Variants in AKAP13 observed in about 807,000 individuals in gnomAD.
AKAP13 encodes the protein A-kinase anchoring protein 13.
AKAP13 carries 80 observed loss-of-function variants against 264.5 expected under a neutral mutation model. That is an observed-to-expected ratio of 0.30 (90% CI 0.25 to 0.36). AKAP13 has a LOEUF of 0.36. Among genes scored for constraint, AKAP13 ranks in the 10% least tolerant of loss-of-function variants. AKAP13 has a pLI of 1.00. For synonymous variants in AKAP13, 1,380 were observed against 1,250.2 expected (o/e 1.10, Z -2.19); for missense variants, 3,712 against 3,435.2 (o/e 1.08, Z -2.01).
At position 85,579,820 on chromosome 15, in the gene AKAP13, G is replaced by C. The variant is rs1357867985; in HGVS notation, c.1752G>C (p.Gln584His). 1.9e-6 allele frequency: 3 copies of C among 1,614,074 alleles called. No homozygotes were observed. Among genetic ancestry groups the C allele is most frequent in the Admixed American group, 1.7e-5 (1 of 60,010 alleles). Reference protein sequence around the residue: ...REESADAPVDQNSVVIPAAAK... With the variant: ...REESADAPVDHNSVVIPAAAK... ...AGAGTGCTGATGCTCCAGTAGATCA[G>C]AATTCTGTGGTGATTCCAGCTGCTG... The change falls in exon 7 of 37, where the codon CAG becomes CAC. Residue 584 changes from glutamine to histidine, a missense_variant. Coordinates refer to ENST00000394518, the MANE Select transcript of AKAP13 (RefSeq NM_007200.5).
rs534755366 is a variant in AKAP13, at chr15:85,441,366, A to T, written c.-11-44344A>T. 3.6e-4 allele frequency among the ~76,000 whole-genome samples: 55 copies of T among 152,238 alleles called. 1 individual carries two copies. Among genetic ancestry groups the T allele is most frequent in the African/African-American group, 9.9e-4 (41 of 41,554 alleles). On this transcript the variant is annotated intron_variant, in intron 1 of 36. Transcript: ENST00000394518. ...ATTTACTGTTTTTGTATTGAGTTAT[A>T]AGAGTTCTTTATATATCCTGGATAT...
At chr15:85,642,677 C>G (rs938438627) in intron 9 of AKAP13, among the ~76,000 whole-genome samples, 7 of 152,208 alleles carry the variant, frequency 4.6e-5, no homozygotes, top group African/African-American at 1.4e-4. Flanking sequence ...ACTCTCGTCC[C>G]AAACTTGGTT....
intron 1 of AKAP13, among the ~76,000 whole-genome samples, chr15:85,388,411 C>A (rs2150794971): frequency 6.6e-6 from 1 of 152,256 alleles, no homozygotes; most frequent in South Asian, 2.1e-4. Flanking sequence ...AGGAGTTTTA[C>A]AAGTGGACAT....
chr15:85,426,835 A>G (rs1031943167), intron 1 of AKAP13, among the ~76,000 whole-genome samples: 4 of 152,078 alleles, frequency 2.6e-5, no homozygotes, highest in African/African-American at 9.7e-5. Context: ...ATCTCTAAAG[A>G]ATTATTTCCA....
intron 26 of AKAP13, 153 bp from the exon 27 acceptor site, chr15:85,726,257 T>G (rs2087610312): frequency 1.8e-6 from 1 of 546,908 alleles, no homozygotes; most frequent in Non-Finnish European, 3.3e-6. Context: ...ACTGTAAAAC[T>G]GTTGCTTTGG....
Position 85,735,092 on chromosome 15 carries a change from G to C in AKAP13, c.7383G>C (p.Leu2461=). Residue 2461 remains leucine (L), a synonymous_variant, in exon 31 of 37, where the codon CTG becomes CTC. Coordinates refer to ENST00000394518, the MANE Select transcript of AKAP13 (RefSeq NM_007200.5). The part of the protein sequence containing the change: ...IEQDVVGPVS[L]PRRAETFGGF... ...AAGATGTGGTCGGTCCCGTTTCCCT[G>C]CCCCGGAGAGCAGAGACCTTTGGAG... 1 of 1,614,188 alleles carries C rather than the reference G, an allele frequency of 6.2e-7. No homozygotes were observed.
intron 14 of AKAP13, among the ~76,000 whole-genome samples, chr15:85,677,346 C>T (rs1164000310): frequency 6.6e-6 from 1 of 152,216 alleles, no homozygotes; most frequent in African/African-American, 2.4e-5. Flanking sequence ...ATCTTTCTAG[C>T]ACACAGATAC....
At chr15:85,400,188 T>C (rs1056120577) in intron 1 of AKAP13, among the ~76,000 whole-genome samples, 1 of 152,084 alleles carries the variant, frequency 6.6e-6, no homozygotes, top group African/African-American at 2.4e-5. Flanking sequence ...TAGCTTGAAG[T>C]CAGGAGGCCA....
intron 14 of AKAP13, among the ~76,000 whole-genome samples, chr15:85,678,784 A>T (rs754387718): frequency 1.9e-4 from 29 of 151,898 alleles, no homozygotes; most frequent in Non-Finnish European, 3.7e-4. Context: ...CAGGAGAATC[A>T]CTTGAACCTG....
At chr15:85,684,061 G>A (rs2151610715) in intron 15 of AKAP13, among the ~76,000 whole-genome samples, 1 of 152,236 alleles carries the variant, frequency 6.6e-6, no homozygotes, top group South Asian at 2.1e-4. Context: ...TGGATATGTG[G>A]TCAGTCATAA....
intron 1 of AKAP13, among the ~76,000 whole-genome samples, chr15:85,430,697 T>C (rs2072988321): frequency 6.6e-6 from 1 of 152,230 alleles, no homozygotes; most frequent in African/African-American, 2.4e-5. Context: ...TTCATTCTTA[T>C]CCTAATTGTG....
chr15:85,565,566 G>A (rs923709826), intron 5 of AKAP13, among the ~76,000 whole-genome samples: 6 of 152,216 alleles, frequency 3.9e-5, no homozygotes, highest in African/African-American at 1.2e-4. Flanking sequence ...AACTGTAGAT[G>A]TAGGAAGGGC....
intron 1 of AKAP13, among the ~76,000 whole-genome samples, chr15:85,411,929 A>G (rs192714092): frequency 7.9e-4 from 120 of 152,340 alleles, no homozygotes; most frequent in Middle Eastern, 3.4e-3. Context: ...AGAAGTTTGG[A>G]AAATATGTAT....
chr15:85,729,028 C>T (rs571119273), intron 29 of AKAP13, among the ~76,000 whole-genome samples: 4 of 152,106 alleles, frequency 2.6e-5, no homozygotes, highest in East Asian at 1.9e-4. Flanking sequence ...TGGCCAGGCT[C>T]GGTGGCTCAT....
chr15:85,383,112 C>CT (rs2141825960), intron 1 of AKAP13, among the ~76,000 whole-genome samples: 1 of 152,024 alleles, frequency 6.6e-6, no homozygotes, highest in East Asian at 1.9e-4. Flanking sequence ...CCAGTTGTCT[C>CT]TAACTCCTGG....
intron 3 of AKAP13, among the ~76,000 whole-genome samples, chr15:85,523,000 T>C (rs752841718): frequency 7.0e-6 from 1 of 143,774 alleles, no homozygotes; most frequent in Non-Finnish European, 1.5e-5. Flanking sequence ...GTCAGGCAGC[T>C]GATATGAGGT....
At chr15:85,709,626 C>G (rs966032152) in intron 18 of AKAP13, among the ~76,000 whole-genome samples, 70 of 151,920 alleles carry the variant, frequency 4.6e-4, no homozygotes, top group African/African-American at 1.5e-3. Context: ...GACATAGCAT[C>G]TCCCATATAA....
At chr15:85,419,427 C>G (rs1181470005) in intron 1 of AKAP13, among the ~76,000 whole-genome samples, 2 of 152,084 alleles carry the variant, frequency 1.3e-5, no homozygotes, top group African/African-American at 4.8e-5. Flanking sequence ...GTAACGTGGC[C>G]GCTGATACAT....
chr15:85,692,471 G>GAGT (rs996190364), intron 16 of AKAP13, among the ~76,000 whole-genome samples: 4 of 151,148 alleles, frequency 2.6e-5, no homozygotes, highest in African/African-American at 9.8e-5. Context: ...CGCTATTACT[G>GAGT]AGTAGTAGTA....
Sources: gnomAD v4.1 joint callset for allele counts (sites outside exome capture counted in the v4.1 genomes callset) on GRCh38, gnomAD v4.1.1 for gene constraint, MANE v1.5 for transcripts, NCBI Gene and HGNC (gene_info 2026-07-23, HGNC 2026-07-21) for gene names.